Variants in F13A1 observed in about 807,000 individuals in gnomAD.
F13A1 encodes coagulation factor XIII A chain.
In F13A1, 47 loss-of-function variants were observed where a neutral mutation model predicts 80.1. The observed-to-expected ratio is 0.59, with a 90% CI of 0.46 to 0.75. F13A1 has a LOEUF of 0.75. Ranked by LOEUF, F13A1 falls within the 30% of genes least tolerant of loss-of-function variation. The pLI, the probability that F13A1 is intolerant of heterozygous loss-of-function variation, is 0.00. For missense variants in F13A1, 817 were observed against 930.4 expected, an observed-to-expected ratio of 0.88 and a Z score of 1.59; for synonymous variants, 349 against 344.9, an observed-to-expected ratio of 1.01 and a Z score of -0.13.
In F13A1 at chr6:6,144,338, C is replaced by T. The variant is rs1465083261; in HGVS notation, c.*1281G>A. 1 of 152,116 alleles carries T rather than the reference C, an allele frequency of 6.6e-6. No individual in the cohort carries two copies. The highest frequency in any genetic ancestry group is 2.4e-5 in the African/African-American group (1 of 41,400). The allele number at this position is 152,116 out of a possible 1,614,324, so 9.4% of individuals were successfully genotyped here. A position where few individuals can be genotyped will look rare whatever the true frequency, so the allele number is the denominator to read the frequency against. ...GGCTTAGAAATGTGGTTATATAGAC[C>T]AGAGCATTCCATTCTGATTTTGCCC... On this transcript the variant is annotated 3_prime_UTR_variant, in exon 15 of 15. Transcript: ENST00000264870.
At chr6:6,221,965 A>G in intron 8 of F13A1, 68 bp downstream of exon 8, 2 of 1,562,840 alleles carry the variant, frequency 1.3e-6, no homozygotes, top group African/African-American at 1.3e-5. Context: ...GATTGAGTCT[A>G]TCTTGTGGTA....
intron 11 of F13A1, 73 bp from the exon 12 acceptor site, chr6:6,174,940 C>T (rs1163530124): frequency 6.4e-7 from 1 of 1,554,856 alleles, no homozygotes; most frequent in Non-Finnish European, 8.9e-7. Context: ...AATGGATGCA[C>T]CGTGTACTGC....
chr6:6,229,382 G>C (rs542594930), intron 6 of F13A1, among the ~76,000 whole-genome samples: 1 of 152,018 alleles, frequency 6.6e-6, no homozygotes, highest in Non-Finnish European at 1.5e-5. Flanking sequence ...ATTATAAACT[G>C]CAAGAAACAG....
At chr6:6,249,396 G>A (rs1364006860) in intron 5 of F13A1, among the ~76,000 whole-genome samples, 1 of 152,198 alleles carries the variant, frequency 6.6e-6, no homozygotes, top group East Asian at 1.9e-4. Context: ...TGTTTGCTGG[G>A]CAGGATAGCA....
At chr6:6,300,020 A>T (rs542130760) in intron 3 of F13A1, among the ~76,000 whole-genome samples, 12 of 147,284 alleles carry the variant, frequency 8.1e-5, no homozygotes, top group East Asian at 5.8e-4. Context: ...GTGAAGTGTC[A>T]GTGTGCCCCT....
intron 6 of F13A1, among the ~76,000 whole-genome samples, chr6:6,238,326 T>C (rs148963824): frequency 4.6e-5 from 7 of 152,240 alleles, no homozygotes; most frequent in Admixed American, 2.6e-4. Context: ...TAAGATTTGA[T>C]CCCTACCTCA....
chr6:6,221,928 G>C (rs911325090), intron 8 of F13A1, 105 bp downstream of exon 8: 92 of 1,308,682 alleles, frequency 7.0e-5, no homozygotes, highest in Non-Finnish European at 9.9e-5. Flanking sequence ...GCTGTTGAAT[G>C]GTCCTCAAAA....
chr6:6,147,347 A>G (rs1202399273), intron 14 of F13A1, among the ~76,000 whole-genome samples: 3 of 152,192 alleles, frequency 2.0e-5, no homozygotes, highest in Non-Finnish European at 2.9e-5. Context: ...CATTGTGCTT[A>G]CTTTTTCATA....
At chr6:6,186,337 A>G (rs1322952593) in intron 10 of F13A1, among the ~76,000 whole-genome samples, 1 of 152,112 alleles carries the variant, frequency 6.6e-6, no homozygotes, top group African/African-American at 2.4e-5. Flanking sequence ...GTTTTCTTCT[A>G]GGGTTTTTAT....
intron 2 of F13A1, among the ~76,000 whole-genome samples, chr6:6,306,488 G>A (rs774062770): frequency 2.0e-5 from 3 of 152,208 alleles, no homozygotes; most frequent in Non-Finnish European, 4.4e-5. Flanking sequence ...TTAGCAAAGG[G>A]TCTGACACAT....
rs1224903596 is a variant in F13A1, at chr6:6,162,207, A to C, written c.1908+5251T>G. ...CATCCAAAATTGTAGACTCCCCTCC[A>C]CATAGCCTCAAGCTATCTTTTTCAG... On this transcript the variant is annotated intron_variant, in intron 13 of 14. Coordinates refer to ENST00000264870, the MANE Select transcript of F13A1 (RefSeq NM_000129.4). This position sits in a 1 kb window ranked among gnomAD's most constrained non-coding sequence, Gnocchi z 4.2. Among the ~76,000 whole-genome samples, 1 of 151,994 alleles carries C rather than the reference A, an allele frequency of 6.6e-6. No individual in the cohort carries two copies. Among genetic ancestry groups the C allele is most frequent in the Non-Finnish European group, 1.5e-5 (1 of 67,996 alleles).
chr6:6,307,977 AT>A (rs397733760), intron 2 of F13A1, among the ~76,000 whole-genome samples: 2,413 of 148,020 alleles, frequency 0.016, 51 homozygotes, highest in African/African-American at 0.051. Context: ...TGCTCATAGG[AT>A]TTTTTTTTTT....
chr6:6,260,046 G>C (rs1757757454), intron 4 of F13A1, among the ~76,000 whole-genome samples: 1 of 152,140 alleles, frequency 6.6e-6, no homozygotes, highest in Admixed American at 6.5e-5. Flanking sequence ...CATAATAACT[G>C]CCCGTCTCAC....
rs888232570 is a variant in F13A1 at position 6,197,279 on chromosome 6, G to A, written c.1160C>T (p.Pro387Leu). Residue 387 changes from proline to leucine, a missense_variant, in exon 9 of 15, where the codon CCT (proline) becomes CTT (leucine). Physicochemically the swap from Pro to Leu is moderately conservative, Grantham distance 98. Transcript: ENST00000264870. ...NEAWMTRPDL[P>L]VGFGGWQAVD... is the part of the protein sequence containing the mutation. ...AGCTTGCCAGCCTCCAAATCCAACA[G>A]GAAGGTCAGGCCTTGTCATCCATGC... The A allele has an allele frequency of 1.2e-6, 2 of 1,614,098 alleles. No homozygotes were observed. The highest frequency in any genetic ancestry group is 1.3e-5 in the African/African-American group (1 of 74,934).
At chr6:6,316,641 G>A (rs907519445) in intron 2 of F13A1, among the ~76,000 whole-genome samples, 7 of 152,114 alleles carry the variant, frequency 4.6e-5, no homozygotes, top group South Asian at 2.1e-4. Context: ...GCTACAGGTC[G>A]TACATATTCC....
At chr6:6,150,262 G>A (rs922108339) in intron 14 of F13A1, among the ~76,000 whole-genome samples, 2 of 152,208 alleles carry the variant, frequency 1.3e-5, no homozygotes, top group African/African-American at 4.8e-5. Flanking sequence ...TGAGTGGGAA[G>A]GTGCGAGAAT....
At chr6:6,200,671 G>C (rs1446529369) in intron 8 of F13A1, among the ~76,000 whole-genome samples, 1 of 152,158 alleles carries the variant, frequency 6.6e-6, no homozygotes, top group Non-Finnish European at 1.5e-5. Flanking sequence ...AGAGACTGAG[G>C]CATGTTCATG....
At chr6:6,248,941 C>T (rs780196571) in intron 5 of F13A1, among the ~76,000 whole-genome samples, 4 of 152,156 alleles carry the variant, frequency 2.6e-5, no homozygotes, top group Non-Finnish European at 5.9e-5. Flanking sequence ...CTAAGGTTTC[C>T]CCTCTTCTGA....
intron 3 of F13A1, among the ~76,000 whole-genome samples, chr6:6,283,656 T>C (rs1758096738): frequency 6.6e-6 from 1 of 152,210 alleles, no homozygotes; most frequent in African/African-American, 2.4e-5. Flanking sequence ...AATTATCCTG[T>C]ATATTCATGT....
Sources: gnomAD v4.1 joint callset for allele counts (sites outside exome capture counted in the v4.1 genomes callset) on GRCh38, gnomAD v4.1.1 for gene constraint, Gnocchi (gnomAD v3.1) non-coding constraint, MANE v1.5 for transcripts, NCBI Gene and HGNC (gene_info 2026-07-23, HGNC 2026-07-21) for gene names.